FRMD4B: variants seen among roughly 807,000 people sequenced by gnomAD.
FRMD4B encodes FERM domain containing 4B.
Under a neutral mutation model 141.5 loss-of-function variants are expected in FRMD4B, and 74 were observed. The observed-to-expected ratio is 0.52, with a 90% CI of 0.43 to 0.63. FRMD4B has a LOEUF of 0.63. FRMD4B is among the 30% of genes least tolerant of loss of function. The pLI is 0.00. For synonymous variants in FRMD4B, 506 were observed against 467.9 expected (o/e 1.08, Z -1.05); for missense variants, 1,366 against 1,253.4 (o/e 1.09, Z -1.36).
At chr3:69,483,102 A>T (rs1050363750) in intron 1 of FRMD4B, among the ~76,000 whole-genome samples, 3 of 152,172 alleles carry the variant, frequency 2.0e-5, no homozygotes, top group African/African-American at 7.2e-5. Flanking sequence ...TTGTAGTTCA[A>T]AAAAGGCAGT....
intron 1 of FRMD4B, among the ~76,000 whole-genome samples, chr3:69,476,418 A>G (rs1239371068): frequency 1.3e-5 from 2 of 152,206 alleles, no homozygotes; most frequent in East Asian, 1.9e-4. Context: ...AGCTTTCTAC[A>G]TATGGCTAGC....
intron 1 of FRMD4B, among the ~76,000 whole-genome samples, chr3:69,381,686 C>T (rs1704124357): frequency 2.6e-5 from 4 of 152,148 alleles, no homozygotes; most frequent in Admixed American, 2.6e-4. Flanking sequence ...TTATGATAAG[C>T]CCCTTAACTC....
intron 4 of FRMD4B, among the ~76,000 whole-genome samples, chr3:69,294,182 A>T (rs1700966366): frequency 6.6e-6 from 1 of 152,204 alleles, no homozygotes; most frequent in Admixed American, 6.5e-5. Flanking sequence ...GGCTAAATCA[A>T]AACACCTCAT....
At chr3:69,474,395 A>G (rs1306548510) in intron 1 of FRMD4B, among the ~76,000 whole-genome samples, 1 of 152,142 alleles carries the variant, frequency 6.6e-6, no homozygotes, top group Non-Finnish European at 1.5e-5. Context: ...CGCTGAGTTA[A>G]GTTCCTGAGT....
intron 4 of FRMD4B, among the ~76,000 whole-genome samples, chr3:69,289,837 G>A (rs546212956): frequency 2.6e-5 from 4 of 151,922 alleles, no homozygotes; most frequent in East Asian, 1.9e-4. Context: ...AAAAAACAAC[G>A]TATAGCCAAT....
At chr3:69,296,043 C>T (rs1017820817) in intron 4 of FRMD4B, among the ~76,000 whole-genome samples, 2 of 152,218 alleles carry the variant, frequency 1.3e-5, no homozygotes, top group East Asian at 3.9e-4. Context: ...TCTCGAACTC[C>T]TGACCTTGTG....
intron 11 of FRMD4B, among the ~76,000 whole-genome samples, chr3:69,205,894 CT>C (rs1461517774): frequency 2.6e-5 from 4 of 152,164 alleles, no homozygotes; most frequent in Admixed American, 2.6e-4. Context: ...TCAACTATGC[CT>C]GTTCACATTG....
rs373721863 is a variant in FRMD4B at position 69,247,815 on chromosome 3, A to AT, written c.581+1410dup. Among the ~76,000 whole-genome samples, 411 of 152,168 alleles carry AT rather than the reference A, an allele frequency of 2.7e-3. 1 individual carries two copies. The highest frequency in any genetic ancestry group is 9.6e-3 in the African/African-American group (400 of 41,508). On this transcript the variant is annotated intron_variant, in intron 7 of 22. Transcript: ENST00000398540. The stretch of plus-strand genomic sequence containing the variant: ...AGGCACCCGCCACCGCACCCAGCTA[A>AT]TTTTTTTGTATTTTTAATAGAGACA...
At chr3:69,422,051 A>C (rs1439128450) in intron 2 of FRMD4B, among the ~76,000 whole-genome samples, 1 of 152,244 alleles carries the variant, frequency 6.6e-6, no homozygotes, top group Non-Finnish European at 1.5e-5. Flanking sequence ...AATCTGCTTC[A>C]ACACACAAAG....
At chr3:69,193,511 A>T in intron 17 of FRMD4B, 137 bp downstream of exon 17, 4 of 615,726 alleles carry the variant, frequency 6.5e-6, no homozygotes, top group Non-Finnish European at 1.1e-5. Context: ...TCTGTCTCCA[A>T]ATAAAAAAGA....
chr3:69,434,050 C>T (rs965431854), intron 1 of FRMD4B, among the ~76,000 whole-genome samples: 8 of 152,174 alleles, frequency 5.3e-5, no homozygotes, highest in African/African-American at 1.4e-4. Flanking sequence ...GTCATCTCTC[C>T]ACATCTTTCT....
intron 19 of FRMD4B, among the ~76,000 whole-genome samples, chr3:69,184,672 A>G (rs572762068): frequency 6.6e-6 from 1 of 152,340 alleles, no homozygotes; most frequent in South Asian, 2.1e-4. Flanking sequence ...ATTCCCAGCT[A>G]TAATTCTTCC....
chr3:69,201,026 C>T (rs2092960765), intron 11 of FRMD4B: 1 of 280,602 alleles, frequency 3.6e-6, no homozygotes, highest in Non-Finnish European at 7.3e-6. Flanking sequence ...ACGCTCCCTG[C>T]AAGCAAAAAC....
chr3:69,344,045 A>C lies in FRMD4B; in HGVS notation c.163-30528T>G, dbSNP rs116221171. ...GCCTGACACATTGCTGGTGCAGTAC[A>C]TACCCAGGGAATATGTGCTGACTTT... On this transcript the variant is annotated intron_variant, in intron 1 of 22. Coordinates refer to ENST00000398540, the MANE Select transcript of FRMD4B (RefSeq NM_015123.3). 9.5e-3 allele frequency among the ~76,000 whole-genome samples: 1,443 copies of C among 152,344 alleles called. 24 individuals are homozygous for C. The highest frequency in any genetic ancestry group is 0.033 in the African/African-American group (1,356 of 41,572).
chr3:69,312,576 G>A (rs972362790), intron 2 of FRMD4B, among the ~76,000 whole-genome samples: 1 of 152,176 alleles, frequency 6.6e-6, no homozygotes, highest in African/African-American at 2.4e-5. Flanking sequence ...AGTGTTGGGT[G>A]AATAGAAAGA....
chr3:69,465,801 T>G (rs1705773089), intron 1 of FRMD4B, among the ~76,000 whole-genome samples: 1 of 152,220 alleles, frequency 6.6e-6, no homozygotes, highest in Non-Finnish European at 1.5e-5. Context: ...CTGATGGACA[T>G]TTGGGTTGGT....
intron 1 of FRMD4B, among the ~76,000 whole-genome samples, chr3:69,540,636 A>AAAAAATATATATATATAT (rs1553652109): frequency 2.9e-5 from 2 of 69,538 alleles, no homozygotes; most frequent in African/African-American, 1.7e-4. Context: ...AAAAAAAAAA[A>AAAAAATATATATATATAT]ATATATATAT....
chr3:69,536,603 G>A, intron 1 of FRMD4B: 1 of 911,092 alleles, frequency 1.1e-6, no homozygotes, highest in Non-Finnish European at 1.8e-6. Flanking sequence ...TGCAGCTCAG[G>A]CCTGGCTTTT....
At chr3:69,482,167 T>C (rs1322186317) in intron 1 of FRMD4B, among the ~76,000 whole-genome samples, 2 of 152,198 alleles carry the variant, frequency 1.3e-5, no homozygotes, top group African/African-American at 4.8e-5. Context: ...TGCAGACCTG[T>C]AGTTCAATGC....
Sources: allele counts gnomAD v4.1 joint callset (sites outside exome capture counted in the v4.1 genomes callset), GRCh38; gene constraint gnomAD v4.1.1; transcripts MANE v1.5; gene names NCBI Gene and HGNC (gene_info 2026-07-23, HGNC 2026-07-21).